The following CEP135 variants were observed in gnomAD, a reference collection of about 807,000 sequenced individuals.
CEP135 encodes the protein centrosomal protein of 135 kDa.
A neutral mutation model predicts 157.3 loss-of-function variants in CEP135; 142 were observed. The observed-to-expected ratio is 0.90, with a 90% CI of 0.79 to 1.04. CEP135 has a LOEUF of 1.04. Ranked by LOEUF, CEP135 falls within the 50% of genes least tolerant of loss-of-function variation. The probability of loss-of-function intolerance (pLI) is 0.00; values close to 1 mark genes in which losing one functional copy is unlikely to be tolerated. For synonymous variants in CEP135, 396 were observed against 439.8 expected (o/e 0.90, Z 1.25); for missense variants, 1,317 against 1,309.2 (o/e 1.01, Z -0.09).
At position 55,980,094 on chromosome 4, in the gene CEP135, T is replaced by C. The variant is rs199875150; in HGVS notation, c.1474-49T>C. 4.1e-5 allele frequency: 60 copies of C among 1,453,654 alleles called. No homozygotes were observed. The African/African-American group carries it at 7.5e-4, about 18-fold the overall frequency. The allele number at this position is 1,453,654 out of a possible 1,614,324, so 90.0% of individuals were successfully genotyped here. A position where few individuals can be genotyped will look rare whatever the true frequency, so the allele number is the denominator to read the frequency against. ...GTCAATCTCATCATCAGTATCCTTG[T>C]GACAACCATGTGGTGATGATTATAT... On this transcript the variant is annotated intron_variant, in intron 11 of 25. Coordinates refer to ENST00000257287, the MANE Select transcript of CEP135 (RefSeq NM_025009.5).
rs559429041 is a variant in CEP135, at chr4:55,964,191, A to G, written c.700-83A>G. On this transcript the variant is annotated intron_variant, in intron 6 of 25. Coordinates refer to ENST00000257287, the MANE Select transcript of CEP135 (RefSeq NM_025009.5). ...TGCATACATTGGTACATAAGAAAAT[A>G]TATCCAAATAAATGTTTGTACAGTG... 22 of 1,331,274 alleles carry G rather than the reference A, an allele frequency of 1.7e-5. No homozygotes were observed. The African/African-American group carries it at 3.1e-4, about 19-fold the overall frequency. The allele number at this position is 1,331,274 out of a possible 1,614,324, so 82.5% of individuals were successfully genotyped here. A position where few individuals can be genotyped will look rare whatever the true frequency, so the allele number is the denominator to read the frequency against.
rs909164497 is a variant in CEP135, at chr4:55,958,915, T to C, written c.615-767T>C. 3.9e-5 allele frequency among the ~76,000 whole-genome samples: 6 copies of C among 152,258 alleles called. No individual in the cohort carries two copies. In the East Asian group the frequency reaches 1.2e-3, roughly 29 times the overall value. ...GCTTCGACAATGTGGAAAAACTCTCTCTCTACAAAAAATTTAAAAATTACC... is the reference window on the plus strand; with the variant it reads ...GCTTCGACAATGTGGAAAAACTCTCCCTCTACAAAAAATTTAAAAATTACC... On this transcript the variant is annotated intron_variant, in intron 5 of 25. Transcript: ENST00000257287.
chr4:56,018,725 A>G (rs1363990019), intron 22 of CEP135, among the ~76,000 whole-genome samples: 2 of 152,006 alleles, frequency 1.3e-5, no homozygotes, highest in African/African-American at 4.8e-5. Context: ...GTGCCACTGC[A>G]CTCCAGCTTG....
rs770877584 is a variant in CEP135 at position 55,974,772 on chromosome 4, A to G, written c.1276A>G (p.Arg426Gly). The G allele has an allele frequency of 6.2e-7, 1 of 1,613,168 alleles. No homozygotes were observed. Among genetic ancestry groups the G allele is most frequent in the Non-Finnish European group, 8.5e-7 (1 of 1,179,598 alleles). Reference protein sequence around the residue: ...TERQLTLEVERMRLEHGIKRR... With the variant: ...TERQLTLEVEGMRLEHGIKRR... ...ACGACAACTTACTCTGGAGGTTGAG[A>G]GGATGAGACTAGAACATGGAATAAA... Residue 426 changes from arginine (R) to glycine (G), a missense_variant, in exon 11 of 26, where the codon AGG becomes GGG. Transcript: ENST00000257287.
intron 15 of CEP135, among the ~76,000 whole-genome samples, chr4:55,995,798 T>C (rs910328507): frequency 6.6e-6 from 1 of 152,200 alleles, no homozygotes; most frequent in Non-Finnish European, 1.5e-5. Context: ...CAACTCAGTT[T>C]TCTCAGTCAA....
chr4:56,025,082 C>T (rs1471132345), intron 25 of CEP135, among the ~76,000 whole-genome samples: 1 of 151,960 alleles, frequency 6.6e-6, no homozygotes, highest in Admixed American at 6.6e-5. Context: ...GGCTTGAGCC[C>T]GGAAGGTTGA....
At chr4:55,995,659 C>T (rs1463420674) in intron 15 of CEP135, among the ~76,000 whole-genome samples, 3 of 152,172 alleles carry the variant, frequency 2.0e-5, no homozygotes, top group Non-Finnish European at 2.9e-5. Context: ...TTTTTTTAGT[C>T]GTTTAAACAT....
rs868189745 is a variant in CEP135, at chr4:55,957,099, T to C, written c.473-124T>C. 7.4e-5 allele frequency: 71 copies of C among 962,982 alleles called. No individual in the cohort carries two copies. In the Middle Eastern group the frequency reaches 8.8e-4, roughly 12 times the overall value. 59.7% of individuals were successfully genotyped at this position (962,982 alleles called of 1,614,324 possible). A position where few individuals can be genotyped will look rare whatever the true frequency, so the allele number is the denominator to read the frequency against. On this transcript the variant is annotated intron_variant, in intron 4 of 25. Coordinates refer to ENST00000257287, the MANE Select transcript of CEP135 (RefSeq NM_025009.5). ...GATATTTATATATTGATGGAGAAAATATTTTGTCAATATGTATTATGAACT... is the reference window on the plus strand; with the variant it reads ...GATATTTATATATTGATGGAGAAAACATTTTGTCAATATGTATTATGAACT...
chr4:55,971,264 T>G lies in CEP135; in HGVS notation c.1111-6T>G, dbSNP rs1729017264. 4 of 1,558,906 alleles carry G rather than the reference T, an allele frequency of 2.6e-6. No homozygotes were observed. Among genetic ancestry groups the G allele is most frequent in the Non-Finnish European group, 3.5e-6 (4 of 1,158,904 alleles). ...GAAATCTTAATTATAGTATTAAAAT[T>G]TGCAGGAATTGAACTTATGCCAGAA... On this transcript the variant is annotated splice_region_variant and splice_polypyrimidine_tract_variant and intron_variant, in intron 9 of 25. Transcript: ENST00000257287.
Position 56,020,707 on chromosome 4 carries a change from C to T in CEP135, c.3247C>T (p.Arg1083Ter), listed in dbSNP as rs1730945388. ...TCAAAGCCGGGAAAACACCATGCTT[C>T]GAGCTAAAGTGGCACAGTTACAAAC... is the stretch of plus-strand genomic sequence containing the variant. ...TSQSRENTML[R>*]AKVAQLQTDY... Residue 1083 changes from arginine (R) to a stop codon, truncating the protein, a stop_gained, in exon 24 of 26, where the codon CGA becomes TGA. Coordinates refer to ENST00000257287, the MANE Select transcript of CEP135 (RefSeq NM_025009.5). LOFTEE classifies it high-confidence loss of function. 8 of 1,613,466 alleles carry T rather than the reference C, an allele frequency of 5.0e-6. No individual in the cohort carries two copies. Among genetic ancestry groups the T allele is most frequent in the African/African-American group, 2.7e-5 (2 of 74,892 alleles).
intron 15 of CEP135, among the ~76,000 whole-genome samples, chr4:55,996,152 G>T (rs1211252227): frequency 6.6e-6 from 1 of 152,090 alleles, no homozygotes; most frequent in African/African-American, 2.4e-5. Flanking sequence ...TTGAGACAGG[G>T]TCTCACTCTG....
intron 17 of CEP135, among the ~76,000 whole-genome samples, chr4:56,007,710 T>C (rs1204485417): frequency 6.6e-6 from 1 of 152,060 alleles, no homozygotes; most frequent in Non-Finnish European, 1.5e-5. Flanking sequence ...AACCATGAGT[T>C]AGGGGAGATT....
intron 15 of CEP135, among the ~76,000 whole-genome samples, chr4:55,997,744 A>G (rs775936311): frequency 3.3e-5 from 5 of 152,112 alleles, no homozygotes. Flanking sequence ...TAATTATGGA[A>G]CCGTCCTAAT....
intron 5 of CEP135, among the ~76,000 whole-genome samples, chr4:55,959,159 G>A (rs1466545994): frequency 6.6e-6 from 1 of 152,204 alleles, no homozygotes; most frequent in Non-Finnish European, 1.5e-5. Flanking sequence ...ATGTCATAAT[G>A]TACCTGAACA....
intron 1 of CEP135, among the ~76,000 whole-genome samples, chr4:55,951,336 AT>A (rs1323398091): frequency 6.6e-6 from 1 of 152,188 alleles, no homozygotes; most frequent in African/African-American, 2.4e-5. Context: ...TTCCAAAGTG[AT>A]TTTACATTCC....
chr4:55,956,867 G>T (rs1156401284), intron 4 of CEP135, among the ~76,000 whole-genome samples: 1 of 152,140 alleles, frequency 6.6e-6, no homozygotes, highest in African/African-American at 2.4e-5. Context: ...ACCCGCCTCG[G>T]CCTTCCAAAG....
intron 13 of CEP135, among the ~76,000 whole-genome samples, chr4:55,983,389 A>G (rs1002616039): frequency 3.9e-5 from 6 of 152,210 alleles, no homozygotes; most frequent in African/African-American, 1.4e-4. Flanking sequence ...AAGTGTAACT[A>G]ATCTCAATCC....
intron 5 of CEP135, among the ~76,000 whole-genome samples, chr4:55,958,621 A>G (rs988395427): frequency 6.6e-6 from 1 of 152,146 alleles, no homozygotes; most frequent in Non-Finnish European, 1.5e-5. Flanking sequence ...TAATTTATAT[A>G]TGCACATTTT....
chr4:55,971,491 T>C (rs1443192381), intron 10 of CEP135, 83 bp downstream of exon 10: 1 of 1,279,230 alleles, frequency 7.8e-7, no homozygotes, highest in African/African-American at 1.5e-5. Context: ...ATTCATTCAT[T>C]CATTCATTCA....
Sources: allele counts gnomAD v4.1 joint callset (sites outside exome capture counted in the v4.1 genomes callset), GRCh38; gene constraint gnomAD v4.1.1; transcripts MANE v1.5; gene names NCBI Gene and HGNC (gene_info 2026-07-23, HGNC 2026-07-21).